The following RNGTT variants were observed in gnomAD, a reference collection of about 807,000 sequenced individuals.
The protein encoded by RNGTT is mRNA-capping enzyme.
In RNGTT, 33 loss-of-function variants were observed where a neutral mutation model predicts 79.3. The ratio of observed to expected loss-of-function variants is 0.42; its 90% CI spans 0.32 to 0.56. RNGTT has a LOEUF of 0.56. RNGTT is among the 20% of genes least tolerant of loss of function. RNGTT has a pLI of 0.17. For synonymous variants in RNGTT, 222 were observed against 235.9 expected (o/e 0.94, Z 0.54); for missense variants, 497 against 739.1 (o/e 0.67, Z 3.80).
intron 14 of RNGTT, among the ~76,000 whole-genome samples, chr6:88,660,840 T>C (rs1353256127): frequency 6.6e-6 from 1 of 152,160 alleles, no homozygotes; most frequent in East Asian, 1.9e-4. Flanking sequence ...TACACAACAT[T>C]CTACCCAACA....
intron 14 of RNGTT, among the ~76,000 whole-genome samples, chr6:88,634,501 G>T (rs1773020693): frequency 6.6e-6 from 1 of 152,064 alleles, no homozygotes; most frequent in African/African-American, 2.4e-5. Flanking sequence ...TATTCACTAA[G>T]AATGCATAGG....
rs192319247 is a variant in RNGTT, at chr6:88,707,415, G to A, written c.1440-28996C>T. On this transcript the variant is annotated intron_variant, in intron 13 of 15. Coordinates refer to ENST00000369485, the MANE Select transcript of RNGTT (RefSeq NM_003800.5). ...TCTTTTGGGGGTGGAGGGGTGGGGC[G>A]GGGGAGGGAGTATACAGGTCTTGAG... Among the ~76,000 whole-genome samples, 7 of 151,882 alleles carry A rather than the reference G, an allele frequency of 4.6e-5. No homozygotes were observed. The South Asian group carries it at 1.0e-3, about 23-fold the overall frequency.
chr6:88,771,354 C>T (rs866018840), intron 12 of RNGTT, among the ~76,000 whole-genome samples: 2,333 of 109,970 alleles, frequency 0.021, 76 homozygotes, highest in African/African-American at 0.082. Context: ...TATATATACA[C>T]ACACACACAC....
At chr6:88,852,728 C>T (rs1202045069) in intron 9 of RNGTT, among the ~76,000 whole-genome samples, 1 of 152,154 alleles carries the variant, frequency 6.6e-6, no homozygotes, top group African/African-American at 2.4e-5. Context: ...TGCCTAATTA[C>T]AATCACTTGG....
At chr6:88,810,067 T>G (rs1372007103) in intron 11 of RNGTT, among the ~76,000 whole-genome samples, 2 of 151,976 alleles carry the variant, frequency 1.3e-5, no homozygotes, top group African/African-American at 4.8e-5. Flanking sequence ...AAAAAAAATT[T>G]TTTACCCATT....
intron 13 of RNGTT, among the ~76,000 whole-genome samples, chr6:88,756,302 A>C (rs1056879981): frequency 3.3e-5 from 5 of 151,946 alleles, no homozygotes; most frequent in Non-Finnish European, 7.4e-5. Context: ...GTGAAACCCC[A>C]TCTCTACTAA....
At chr6:88,903,165 T>C (rs1465022368) in intron 6 of RNGTT, among the ~76,000 whole-genome samples, 1 of 152,160 alleles carries the variant, frequency 6.6e-6, no homozygotes, top group Non-Finnish European at 1.5e-5. Flanking sequence ...ACATGAAATG[T>C]ACATGGACTA....
chr6:88,932,163 T>C (rs769272330), intron 2 of RNGTT, among the ~76,000 whole-genome samples: 6 of 152,110 alleles, frequency 3.9e-5, no homozygotes, highest in Admixed American at 2.6e-4. Context: ...GCCTCTAAAA[T>C]GGCCGCTCTA....
intron 13 of RNGTT, among the ~76,000 whole-genome samples, chr6:88,697,707 A>AAAAAC (rs1410224220): frequency 6.6e-6 from 1 of 150,856 alleles, no homozygotes; most frequent in African/African-American, 2.4e-5. Context: ...TAAAAATACA[A>AAAAAC]AAAACAAAAC....
chr6:88,829,718 A>C (rs916452222), intron 11 of RNGTT, among the ~76,000 whole-genome samples: 9 of 150,802 alleles, frequency 6.0e-5, no homozygotes, highest in African/African-American at 1.2e-4. Context: ...AAAAAAAAAA[A>C]AAAAAACCAG....
intron 2 of RNGTT, among the ~76,000 whole-genome samples, chr6:88,939,785 C>T (rs139875123): frequency 1.3e-3 from 194 of 150,136 alleles, no homozygotes; most frequent in African/African-American, 4.3e-3. Flanking sequence ...TTTTGAGACA[C>T]GGTCACACTA....
rs1377962455 is a variant in RNGTT, at chr6:88,669,930, AC to A, written c.1506+8422del. 2.0e-5 allele frequency among the ~76,000 whole-genome samples: 3 copies of A among 152,302 alleles called. No homozygotes were observed. The East Asian group carries it at 5.8e-4, about 29-fold the overall frequency. On this transcript the variant is annotated intron_variant, in intron 14 of 15. Transcript: ENST00000369485. The stretch of plus-strand genomic sequence containing the variant: ...ACAAGATGGTTCGTGGGGATACCAA[AC>A]CCCCATTTACATGCTCAACTGGATT...
At chr6:88,829,422 T>A (rs1335523113) in intron 11 of RNGTT, among the ~76,000 whole-genome samples, 1 of 152,004 alleles carries the variant, frequency 6.6e-6, no homozygotes. Flanking sequence ...TGCAAAAACA[T>A]ACCAAATTGT....
At chr6:88,946,028 A>T (rs1378385118) in intron 1 of RNGTT, among the ~76,000 whole-genome samples, 2 of 152,228 alleles carry the variant, frequency 1.3e-5, no homozygotes, top group South Asian at 2.1e-4. Context: ...GCAGTTGTTT[A>T]TGAGAGAAAC....
intron 6 of RNGTT, among the ~76,000 whole-genome samples, chr6:88,897,932 C>T (rs1281468508): frequency 6.6e-6 from 1 of 152,048 alleles, no homozygotes; most frequent in Non-Finnish European, 1.5e-5. Context: ...TACATTGCTG[C>T]AGGAAGAGTG....
At chr6:88,621,808 G>T (rs1187876857) in intron 14 of RNGTT, among the ~76,000 whole-genome samples, 1 of 152,010 alleles carries the variant, frequency 6.6e-6, no homozygotes, top group Admixed American at 6.5e-5. Context: ...TACCTGACCT[G>T]AGAAATCAGA....
chr6:88,685,605 A>C (rs894475642), intron 13 of RNGTT, among the ~76,000 whole-genome samples: 1 of 152,004 alleles, frequency 6.6e-6, no homozygotes, highest in Non-Finnish European at 1.5e-5. Flanking sequence ...AAAAAGAAGC[A>C]AAGAAAACCA....
At chr6:88,674,708 G>T (rs540419810) in intron 14 of RNGTT, among the ~76,000 whole-genome samples, 1 of 151,578 alleles carries the variant, frequency 6.6e-6, no homozygotes. Flanking sequence ...ACTCTCAAAC[G>T]GATAGAAGAA....
chr6:88,856,595 A>G (rs1781853028), intron 8 of RNGTT, among the ~76,000 whole-genome samples: 1 of 152,246 alleles, frequency 6.6e-6, no homozygotes, highest in Non-Finnish European at 1.5e-5. Context: ...ATCTGCAGAA[A>G]CACCAGAGAA....
Sources: allele counts gnomAD v4.1 joint callset (sites outside exome capture counted in the v4.1 genomes callset), GRCh38; gene constraint gnomAD v4.1.1; transcripts MANE v1.5; gene names NCBI Gene and HGNC (gene_info 2026-07-23, HGNC 2026-07-21).